The following SYCP1 variants were observed in gnomAD, a reference collection of about 807,000 sequenced individuals.
SYCP1 encodes synaptonemal complex protein 1.
SYCP1 carries 64 observed loss-of-function variants against 153.1 expected under a neutral mutation model. The ratio of observed to expected loss-of-function variants is 0.42; its 90% CI spans 0.34 to 0.51. The LOEUF (loss-of-function observed/expected upper bound fraction) is 0.51. SYCP1 is among the 20% of genes least tolerant of loss of function. SYCP1 has a pLI of 0.06. For synonymous variants in SYCP1, 384 were observed against 341.8 expected, an observed-to-expected ratio of 1.12 and a Z score of -1.36; for missense variants, 997 against 1,049.0, an observed-to-expected ratio of 0.95 and a Z score of 0.68.
In SYCP1 at chr1:114,989,296, T is replaced by A. The variant is rs184085300; in HGVS notation, c.2703+4428T>A. ...AAATTTGAATTAGATTGTTATAGCATTAGGAAGTTAAATGTAATCTCCATG... is the reference window on the plus strand; with the variant it reads ...AAATTTGAATTAGATTGTTATAGCAATAGGAAGTTAAATGTAATCTCCATG... On this transcript the variant is annotated intron_variant, in intron 30 of 31. Transcript: ENST00000369522. Among the ~76,000 whole-genome samples the A allele has an allele frequency of 3.0e-4, 46 of 152,056 alleles. 1 individual carries two copies. The highest frequency in any genetic ancestry group is 3.4e-3 in the Middle Eastern group (1 of 294).
rs1667211383 is a variant in SYCP1, at chr1:114,898,550, G to C, written c.1320+3041G>C. Among the ~76,000 whole-genome samples, 2 of 152,146 alleles carry C rather than the reference G, an allele frequency of 1.3e-5. 1 individual carries two copies. The highest frequency in any genetic ancestry group is 4.1e-4 in the South Asian group (2 of 4,824). ...AATGCTGCTTGGTTCATAGGAACAAGCAGGATTAGTCTAAAATGTAGGCAA... is the reference window on the plus strand; with the variant it reads ...AATGCTGCTTGGTTCATAGGAACAACCAGGATTAGTCTAAAATGTAGGCAA... On this transcript the variant is annotated intron_variant, in intron 16 of 31. Coordinates refer to ENST00000369522, the MANE Select transcript of SYCP1 (RefSeq NM_003176.4).
intron 25 of SYCP1, among the ~76,000 whole-genome samples, chr1:114,945,988 G>A (rs975411636): frequency 1.3e-5 from 2 of 152,004 alleles, no homozygotes; most frequent in South Asian, 2.1e-4. Context: ...GGTGTTTCTG[G>A]CAAATTTTTA....
chr1:114,870,337 C>G (rs1471760791), intron 8 of SYCP1, among the ~76,000 whole-genome samples: 1 of 152,124 alleles, frequency 6.6e-6, no homozygotes, highest in Non-Finnish European at 1.5e-5. Context: ...AAATGGCCCT[C>G]TTTATATCTG....
chr1:114,862,900 A>G (rs1048261282), intron 8 of SYCP1: 10 of 152,008 alleles, frequency 6.6e-5, no homozygotes, highest in Admixed American at 2.6e-4. Context: ...CATTCATTCA[A>G]TATTTTTTTA....
chr1:114,873,011 C>G (rs1665260332), intron 8 of SYCP1, among the ~76,000 whole-genome samples: 1 of 152,046 alleles, frequency 6.6e-6, no homozygotes, highest in Non-Finnish European at 1.5e-5. Flanking sequence ...TTGAGTCATT[C>G]TTAGAATTTT....
In SYCP1 at chr1:114,944,801, T is replaced by C. The variant is rs1472044320; in HGVS notation, c.2044-71T>C. On this transcript the variant is annotated intron_variant, in intron 24 of 31. Coordinates refer to ENST00000369522, the MANE Select transcript of SYCP1 (RefSeq NM_003176.4). The stretch of plus-strand genomic sequence containing the variant: ...GGTTTGCTTTTATTTAAGTAGAACA[T>C]ATACTTTTTACACTTGTTTGTTTTT... 8 of 1,109,098 alleles carry C rather than the reference T, an allele frequency of 7.2e-6. No homozygotes were observed. In the Admixed American group the frequency reaches 1.3e-4, roughly 19 times the overall value. 68.7% of individuals were successfully genotyped at this position (1,109,098 alleles called of 1,614,324 possible). A position where few individuals can be genotyped will look rare whatever the true frequency, so the allele number is the denominator to read the frequency against.
At chr1:114,989,675 C>T (rs953286392) in intron 30 of SYCP1, among the ~76,000 whole-genome samples, 8 of 151,906 alleles carry the variant, frequency 5.3e-5, no homozygotes, top group East Asian at 1.9e-4. Context: ...AAAAGATATT[C>T]TGTGCATATA....
chr1:114,937,497 T>A (rs1670101171), intron 23 of SYCP1, among the ~76,000 whole-genome samples: 1 of 152,172 alleles, frequency 6.6e-6, no homozygotes, highest in Admixed American at 6.5e-5. Context: ...AAGGACTTCA[T>A]GACTAAAACA....
intron 8 of SYCP1, among the ~76,000 whole-genome samples, chr1:114,872,147 T>C (rs1011180066): frequency 2.0e-5 from 3 of 151,990 alleles, no homozygotes; most frequent in African/African-American, 7.2e-5. Context: ...CAGCTGTTGC[T>C]CTTTTTTTTC....
intron 23 of SYCP1, among the ~76,000 whole-genome samples, chr1:114,937,625 A>G (rs1670111323): frequency 6.6e-6 from 1 of 152,200 alleles, no homozygotes; most frequent in African/African-American, 2.4e-5. Context: ...AGAATGGGAG[A>G]AAATTTTTAC....
At chr1:114,857,178 A>G in intron 3 of SYCP1, 54 bp from the exon 4 acceptor site, 2 of 1,321,378 alleles carry the variant, frequency 1.5e-6, no homozygotes, top group Non-Finnish European at 2.1e-6. Context: ...AAAAAAAAAA[A>G]GAAAGAGAAA....
At chr1:114,939,342 A>T (rs1570813439) in intron 23 of SYCP1, among the ~76,000 whole-genome samples, 1 of 152,230 alleles carries the variant, frequency 6.6e-6, no homozygotes, top group Admixed American at 6.5e-5. Flanking sequence ...AAAATCTTGT[A>T]CAAGAATATT....
intron 15 of SYCP1, 78 bp downstream of exon 15, chr1:114,887,771 A>G (rs1666414698): frequency 2.2e-6 from 2 of 917,646 alleles, no homozygotes; most frequent in East Asian, 3.2e-5. Context: ...TTGAAATAAA[A>G]TATAATTTCC....
Position 114,913,742 on chromosome 1 carries a change from C to T in SYCP1, c.1648-233C>T, listed in dbSNP as rs576295454. Among the ~76,000 whole-genome samples the T allele has an allele frequency of 1.9e-3, 282 of 152,038 alleles. 2 individuals carry two copies. The highest frequency in any genetic ancestry group is 8.7e-3 in the South Asian group (42 of 4,818). ...CAAAGGATACAGACTCAAAGTAACG[C>T]TGGAAAACCAAATGATACTTGTTTT... On this transcript the variant is annotated intron_variant, in intron 19 of 31. Coordinates refer to ENST00000369522, the MANE Select transcript of SYCP1 (RefSeq NM_003176.4).
chr1:114,972,252 G>A (rs1672537623), intron 27 of SYCP1, among the ~76,000 whole-genome samples: 1 of 151,966 alleles, frequency 6.6e-6, no homozygotes. Context: ...CTGTGGTATT[G>A]ATTGTAATGT....
intron 27 of SYCP1, among the ~76,000 whole-genome samples, chr1:114,956,014 G>T (rs1323998760): frequency 6.6e-6 from 1 of 152,148 alleles, no homozygotes; most frequent in Non-Finnish European, 1.5e-5. Context: ...TAGTTGTTTT[G>T]TGGCACTTCC....
At chr1:114,928,021 A>G (rs1023374774) in intron 23 of SYCP1, among the ~76,000 whole-genome samples, 24 of 152,036 alleles carry the variant, frequency 1.6e-4, no homozygotes, top group Middle Eastern at 3.2e-3. Flanking sequence ...GGGTTTTGCC[A>G]TGTTTCCCAG....
chr1:114,863,982 G>A (rs1164154091), intron 8 of SYCP1, among the ~76,000 whole-genome samples: 1 of 151,226 alleles, frequency 6.6e-6, no homozygotes, highest in African/African-American at 2.4e-5. Flanking sequence ...GGGGGTGGGG[G>A]GCAGGGGGAG....
intron 30 of SYCP1, among the ~76,000 whole-genome samples, chr1:114,991,303 A>G (rs888688156): frequency 1.3e-5 from 2 of 151,920 alleles, no homozygotes; most frequent in African/African-American, 2.4e-5. Flanking sequence ...AACTCATTGT[A>G]TGAGGCCAGC....
Sources: gnomAD v4.1 joint callset for allele counts (sites outside exome capture counted in the v4.1 genomes callset) on GRCh38, gnomAD v4.1.1 for gene constraint, MANE v1.5 for transcripts, NCBI Gene and HGNC (gene_info 2026-07-23, HGNC 2026-07-21) for gene names.